PTPRN2: variants seen among roughly 807,000 people sequenced by gnomAD.
The protein encoded by PTPRN2 is protein tyrosine phosphatase receptor type N2.
A neutral mutation model predicts 118.8 loss-of-function variants in PTPRN2; 74 were observed. That is an observed-to-expected ratio of 0.62 (90% CI 0.52 to 0.76). PTPRN2 has a LOEUF of 0.76. Among genes scored for constraint, PTPRN2 ranks in the 30% least tolerant of loss-of-function variants. The pLI, the probability that PTPRN2 is intolerant of heterozygous loss-of-function variation, is 0.00. For synonymous variants in PTPRN2, 641 were observed against 608.0 expected (o/e 1.05, Z -0.80); for missense variants, 1,481 against 1,394.4 (o/e 1.06, Z -0.99).
intron 1 of PTPRN2, among the ~76,000 whole-genome samples, chr7:158,536,904 C>T (rs1226132131): frequency 6.6e-6 from 1 of 152,212 alleles, no homozygotes; most frequent in Non-Finnish European, 1.5e-5. Flanking sequence ...GTCAGTAGGA[C>T]ACGGGTGGAG....
intron 11 of PTPRN2, among the ~76,000 whole-genome samples, chr7:157,982,499 G>A (rs1585134301): frequency 2.3e-5 from 3 of 130,954 alleles, no homozygotes; most frequent in Admixed American, 1.5e-4. Context: ...AATGCAGAGT[G>A]CAGGGTCCCC....
intron 12 of PTPRN2, among the ~76,000 whole-genome samples, chr7:157,840,363 G>A (rs866448733): frequency 8.0e-5 from 10 of 124,400 alleles, no homozygotes; most frequent in South Asian, 5.5e-4. Context: ...TGACTGTGTG[G>A]CCGCGTGTGA....
Position 158,489,798 on chromosome 7 carries a change from AGAG to A in PTPRN2, c.113-16_113-14del. 1 of 1,569,252 alleles carries A rather than the reference AGAG, an allele frequency of 6.4e-7. No individual in the cohort carries two copies. The highest frequency in any genetic ancestry group is 8.6e-7 in the Non-Finnish European group (1 of 1,157,700). On this transcript the variant is annotated splice_polypyrimidine_tract_variant and intron_variant, in intron 1 of 22. Coordinates refer to ENST00000389418, the MANE Select transcript of PTPRN2 (RefSeq NM_002847.5). Reference sequence around the variant, plus strand: ...TCGAGCAGGCAGCCTGCGGGGAAACAGAGAAGAGACGCGGTCAGCTGGAGGGGA... The same window carrying A: ...TCGAGCAGGCAGCCTGCGGGGAAACAAAGAGACGCGGTCAGCTGGAGGGGA...
At chr7:158,085,824 T>C (rs1162162637) in intron 10 of PTPRN2, among the ~76,000 whole-genome samples, 319 of 52,208 alleles carry the variant, frequency 6.1e-3, no homozygotes, top group Middle Eastern at 0.019. Flanking sequence ...ACACCCACGA[T>C]GCCCATCCAC....
intron 12 of PTPRN2, chr7:157,739,349 C>G (rs553053850): frequency 6.6e-6 from 1 of 152,390 alleles, no homozygotes; most frequent in African/African-American, 2.4e-5. Context: ...TAAAATGCCT[C>G]TTCTTCCTGA....
intron 2 of PTPRN2, among the ~76,000 whole-genome samples, chr7:158,337,775 A>T (rs1259026554): frequency 1.2e-5 from 1 of 82,444 alleles, no homozygotes; most frequent in Non-Finnish European, 2.4e-5. Context: ...TGCAAACGTC[A>T]CTCACACCCA....
intron 22 of PTPRN2, among the ~76,000 whole-genome samples, chr7:157,545,968 G>T (rs975092501): frequency 2.0e-5 from 3 of 152,172 alleles, no homozygotes; most frequent in Non-Finnish European, 4.4e-5. Flanking sequence ...TGAACTTGTA[G>T]GGGAAGTTTA....
intron 11 of PTPRN2, chr7:158,030,648 GGAGGGAGGCCCCTGTAAGCC>G (rs1382251562): frequency 2.0e-4 from 30 of 152,692 alleles, no homozygotes; most frequent in African/African-American, 6.7e-4. Flanking sequence ...AGCAGAGGTG[GGAGGGAGGCCCCTGTAAGCC>G]GAGGAATGGC....
In PTPRN2 at chr7:158,015,115, T is replaced by C. The variant is rs750799567; in HGVS notation, c.1723+66183A>G. 6.6e-6 allele frequency among the ~76,000 whole-genome samples: 1 copy of C among 152,316 alleles called. No individual in the cohort carries two copies. The highest frequency in any genetic ancestry group is 2.1e-4 in the South Asian group (1 of 4,832). ...GGGTTGCTGAAATGAGAGGCTCAGA[T>C]AGAGCAGAGGGAAACAATTCAGCTC... is the stretch of plus-strand genomic sequence containing the variant. On this transcript the variant is annotated intron_variant, in intron 11 of 22. Coordinates refer to ENST00000389418, the MANE Select transcript of PTPRN2 (RefSeq NM_002847.5). This position sits in a 1 kb window ranked among gnomAD's most constrained non-coding sequence, Gnocchi z 4.2.
rs368954892 is a variant in PTPRN2, at chr7:158,527,686, TG to T, written c.113-37902del. ...GCTCCGAGGTGTGGGCTCCACTCTG[TG>T]GGGGGGTCTCACAGCAGCCACACAG... On this transcript the variant is annotated intron_variant, in intron 1 of 22. Coordinates refer to ENST00000389418, the MANE Select transcript of PTPRN2 (RefSeq NM_002847.5). Among the ~76,000 whole-genome samples the T allele has an allele frequency of 1.8e-4, 28 of 152,164 alleles. No individual in the cohort carries two copies. In the East Asian group the frequency reaches 4.8e-3, roughly 26 times the overall value.
intron 12 of PTPRN2, among the ~76,000 whole-genome samples, chr7:157,745,617 G>A (rs949853376): frequency 3.3e-5 from 5 of 152,110 alleles, no homozygotes; most frequent in Admixed American, 1.3e-4. Flanking sequence ...ACTGGGCAGA[G>A]GCTGAGTGAG....
chr7:158,046,947 T>G (rs529634392), intron 11 of PTPRN2, among the ~76,000 whole-genome samples: 2 of 152,290 alleles, frequency 1.3e-5, no homozygotes, highest in South Asian at 4.1e-4. Context: ...AATTTAACCT[T>G]AATCCTGCAG....
At chr7:158,312,056 C>T (rs1445231816) in intron 3 of PTPRN2, among the ~76,000 whole-genome samples, 2 of 65,022 alleles carry the variant, frequency 3.1e-5, no homozygotes, top group Non-Finnish European at 7.3e-5. Context: ...CACACACGTG[C>T]TCACATGTAG....
At position 157,772,824 on chromosome 7, in the gene PTPRN2, C is replaced by T. The variant is rs373612017; in HGVS notation, c.1789-89887G>A. Among the ~76,000 whole-genome samples, 6 of 152,382 alleles carry T rather than the reference C, an allele frequency of 3.9e-5. No homozygotes were observed. The South Asian group carries it at 8.3e-4, about 21-fold the overall frequency. On this transcript the variant is annotated intron_variant, in intron 12 of 22. Transcript: ENST00000389418. ...CATCTTCTTTCTTCTCTGGCCTCTG[C>T]GCCCCAGCTCCTTTGTGCGAGGTCC... is the stretch of plus-strand genomic sequence containing the variant.
chr7:158,146,925 C>G lies in PTPRN2; in HGVS notation c.911-8410G>C, dbSNP rs547952460. The stretch of plus-strand genomic sequence containing the variant: ...CCTGTGAAGAGACTGAATGACACCC[C>G]ATCTCACGCCACGTGTCTTTCCCCC... On this transcript the variant is annotated intron_variant, in intron 6 of 22. Coordinates refer to ENST00000389418, the MANE Select transcript of PTPRN2 (RefSeq NM_002847.5). Among the ~76,000 whole-genome samples, 8 of 151,550 alleles carry G rather than the reference C, an allele frequency of 5.3e-5. No individual in the cohort carries two copies. In the East Asian group the frequency reaches 1.4e-3, roughly 26 times the overall value.
intron 1 of PTPRN2, among the ~76,000 whole-genome samples, chr7:158,537,211 G>A (rs10273384): frequency 0.2 from 29,965 of 151,682 alleles, 3,417 homozygotes; most frequent in East Asian, 0.41. Context: ...GTTTAAGCCC[G>A]AGGCTGCAGC....
intron 3 of PTPRN2, among the ~76,000 whole-genome samples, chr7:158,248,625 C>T (rs1016311719): frequency 2.0e-4 from 30 of 148,544 alleles, no homozygotes; most frequent in African/African-American, 6.2e-4. Context: ...CACATACACA[C>T]GCACACACAC....
intron 3 of PTPRN2, among the ~76,000 whole-genome samples, chr7:158,251,786 CT>C (rs1796697378): frequency 6.6e-6 from 1 of 152,090 alleles, no homozygotes; most frequent in Non-Finnish European, 1.5e-5. Flanking sequence ...GTGTGTCCCC[CT>C]CATTACCTCA....
intron 12 of PTPRN2, among the ~76,000 whole-genome samples, chr7:157,885,887 C>G (rs900583195): frequency 2.6e-5 from 4 of 152,196 alleles, no homozygotes; most frequent in African/African-American, 9.6e-5. Flanking sequence ...AATGTTGCCT[C>G]CTGGGGACAA....
Sources: allele counts gnomAD v4.1 joint callset (sites outside exome capture counted in the v4.1 genomes callset), GRCh38; gene constraint gnomAD v4.1.1; non-coding constraint Gnocchi (gnomAD v3.1); transcripts MANE v1.5; gene names NCBI Gene and HGNC (gene_info 2026-07-23, HGNC 2026-07-21).